Variants in PCSK2 observed in about 807,000 individuals in gnomAD.
The protein encoded by PCSK2 is proprotein convertase subtilisin/kexin type 2.
PCSK2 carries 14 observed loss-of-function variants against 69.7 expected under a neutral mutation model. The observed-to-expected ratio is 0.20, with a 90% CI of 0.13 to 0.31. The LOEUF is 0.31. PCSK2 is among the 10% of genes least tolerant of loss of function. The probability of loss-of-function intolerance (pLI) is 1.00; values close to 1 mark genes in which losing one functional copy is unlikely to be tolerated. For synonymous variants in PCSK2, 307 were observed against 320.7 expected (o/e 0.96, Z 0.46); for missense variants, 544 against 842.5 (o/e 0.65, Z 4.39).
chr20:17,461,915 AC>A (rs1370699026), intron 10 of PCSK2, among the ~76,000 whole-genome samples: 3 of 152,232 alleles, frequency 2.0e-5, no homozygotes, highest in African/African-American at 7.2e-5. Flanking sequence ...ATAAATACAT[AC>A]ACCTACTGTG....
At position 17,388,159 on chromosome 20, in the gene PCSK2, A is replaced by G. The variant is rs147818279; in HGVS notation, c.543+18882A>G. Among the ~76,000 whole-genome samples, 1,012 of 151,936 alleles carry G rather than the reference A, an allele frequency of 6.7e-3. 14 individuals are homozygous for G. Among genetic ancestry groups the G allele is most frequent in the African/African-American group, 0.023 (966 of 41,478 alleles). ...GTATATCAGTACGGGAAGGAAAAAT[A>G]TGGCATGAGATGACATTGGAGAAGT... On this transcript the variant is annotated intron_variant, in intron 5 of 11. Coordinates refer to ENST00000262545, the MANE Select transcript of PCSK2 (RefSeq NM_002594.5).
intron 1 of PCSK2, among the ~76,000 whole-genome samples, chr20:17,236,376 C>T (rs912142050): frequency 7.2e-5 from 11 of 152,034 alleles, no homozygotes; most frequent in African/African-American, 2.7e-4. Flanking sequence ...ATATTTTATA[C>T]ATACATGGTA....
At chr20:17,414,211 A>G (rs938646600) in intron 6 of PCSK2, among the ~76,000 whole-genome samples, 1 of 152,206 alleles carries the variant, frequency 6.6e-6, no homozygotes, top group African/African-American at 2.4e-5. Flanking sequence ...CTAGAGACAC[A>G]AAAAACCCTT....
chr20:17,327,684 G>A (rs1990104132), intron 2 of PCSK2, among the ~76,000 whole-genome samples: 1 of 152,234 alleles, frequency 6.6e-6, no homozygotes, highest in Non-Finnish European at 1.5e-5. Flanking sequence ...GTCTCCGCCA[G>A]TGCCATTTCT....
chr20:17,349,506 A>G (rs2029907387), intron 2 of PCSK2, among the ~76,000 whole-genome samples: 1 of 152,136 alleles, frequency 6.6e-6, no homozygotes, highest in Non-Finnish European at 1.5e-5. Flanking sequence ...AATGCCTCAG[A>G]TCCTCTACCC....
chr20:17,364,503 C>G (rs1237970422), intron 4 of PCSK2, among the ~76,000 whole-genome samples: 1 of 152,174 alleles, frequency 6.6e-6, no homozygotes, highest in Non-Finnish European at 1.5e-5. Flanking sequence ...TCTTACATGG[C>G]AGCAGGCAAG....
chr20:17,347,998 G>GAGAA (rs142334200), intron 2 of PCSK2, among the ~76,000 whole-genome samples: 4 of 114,228 alleles, frequency 3.5e-5, no homozygotes, highest in South Asian at 5.8e-4. Flanking sequence ...AGAGAAAAAA[G>GAGAA]AGAAAGAAAG....
chr20:17,435,120 C>T (rs1425644376), intron 7 of PCSK2, among the ~76,000 whole-genome samples: 1 of 152,156 alleles, frequency 6.6e-6, no homozygotes, highest in African/African-American at 2.4e-5. Flanking sequence ...GGTGATTACA[C>T]TTATGGGTTA....
intron 1 of PCSK2, among the ~76,000 whole-genome samples, chr20:17,253,798 T>C (rs192404590): frequency 8.5e-4 from 130 of 152,310 alleles, no homozygotes; most frequent in African/African-American, 3.0e-3. Context: ...GCTTTCCAAA[T>C]AGGCTGTACC....
intron 2 of PCSK2, among the ~76,000 whole-genome samples, chr20:17,278,901 C>G (rs1431122077): frequency 6.6e-6 from 1 of 151,668 alleles, no homozygotes; most frequent in Admixed American, 6.6e-5. Context: ...CTAATTTTTC[C>G]CCTACATTGT....
chr20:17,412,389 AG>A (rs1323412620), intron 6 of PCSK2, among the ~76,000 whole-genome samples: 9 of 152,234 alleles, frequency 5.9e-5, no homozygotes, highest in Admixed American at 3.9e-4. Flanking sequence ...CGCATGCAAA[AG>A]CTTCAATAGC....
At chr20:17,418,585 G>C (rs191251838) in intron 6 of PCSK2, among the ~76,000 whole-genome samples, 1 of 152,208 alleles carries the variant, frequency 6.6e-6, no homozygotes, top group East Asian at 1.9e-4. Flanking sequence ...TCAGAAACTG[G>C]GCCAGGGGCA....
chr20:17,296,116 T>C (rs1988885640), intron 2 of PCSK2, among the ~76,000 whole-genome samples: 1 of 152,164 alleles, frequency 6.6e-6, no homozygotes, highest in Admixed American at 6.5e-5. Context: ...CAGCCTCTGA[T>C]GGCCAATGAG....
intron 5 of PCSK2, among the ~76,000 whole-genome samples, chr20:17,404,939 C>T (rs754350379): frequency 2.6e-5 from 4 of 152,112 alleles, no homozygotes; most frequent in Non-Finnish European, 4.4e-5. Context: ...GGCTGTGTTC[C>T]GATACAACTT....
At chr20:17,386,957 A>C (rs2031252873) in intron 5 of PCSK2, among the ~76,000 whole-genome samples, 1 of 152,188 alleles carries the variant, frequency 6.6e-6, no homozygotes, top group Admixed American at 6.5e-5. Context: ...CCCTCAGTGT[A>C]ATCAGCAAAA....
intron 2 of PCSK2, among the ~76,000 whole-genome samples, chr20:17,265,746 C>G (rs956480332): frequency 6.6e-6 from 1 of 152,146 alleles, no homozygotes; most frequent in African/African-American, 2.4e-5. Flanking sequence ...GATTTGTATT[C>G]CATAATTTTC....
At chr20:17,369,398 GCACACACA>G (rs111813860) in intron 5 of PCSK2, 121 bp downstream of exon 5, 1 of 690,356 alleles carries the variant, frequency 1.4e-6, no homozygotes, top group Non-Finnish European at 2.6e-6. Context: ...ACAGGAGCAT[GCACACACA>G]CACACACACA....
intron 5 of PCSK2, among the ~76,000 whole-genome samples, chr20:17,370,451 T>G (rs1354920958): frequency 6.6e-6 from 1 of 152,214 alleles, no homozygotes; most frequent in Non-Finnish European, 1.5e-5. Flanking sequence ...AGGAGCATCT[T>G]TTTTAATATT....
At position 17,424,514 on chromosome 20, in the gene PCSK2, A is replaced by G. The variant is rs540232395; in HGVS notation, c.621-4921A>G. ...AGGGGGTTGTTTTTTGTTTTTTGAG[A>G]CAGAGTCTCACTCTGTCGCCCAGGC... On this transcript the variant is annotated intron_variant, in intron 6 of 11. Transcript: ENST00000262545. Among the ~76,000 whole-genome samples, 8 of 152,170 alleles carry G rather than the reference A, an allele frequency of 5.3e-5. No homozygotes were observed. In the East Asian group the frequency reaches 1.5e-3, roughly 29 times the overall value.
Sources: gnomAD v4.1 joint callset for allele counts (sites outside exome capture counted in the v4.1 genomes callset) on GRCh38, gnomAD v4.1.1 for gene constraint, MANE v1.5 for transcripts, NCBI Gene and HGNC (gene_info 2026-07-23, HGNC 2026-07-21) for gene names.